LRMDA: variants seen among roughly 807,000 people sequenced by gnomAD.
LRMDA encodes leucine-rich melanocyte differentiation-associated protein.
Under a neutral mutation model 29.8 loss-of-function variants are expected in LRMDA, and 18 were observed. The observed-to-expected ratio is 0.60, with a 90% CI of 0.42 to 0.90. LRMDA has a LOEUF of 0.90. Among genes scored for constraint, LRMDA ranks in the 40% least tolerant of loss-of-function variants. The pLI, the probability that LRMDA is intolerant of heterozygous loss-of-function variation, is 0.00. For synonymous variants in LRMDA, 125 were observed against 109.4 expected, an observed-to-expected ratio of 1.14 and a Z score of -0.89; for missense variants, 273 against 273.9, an observed-to-expected ratio of 1.00 and a Z score of 0.02.
intron 2 of LRMDA, among the ~76,000 whole-genome samples, chr10:75,673,588 G>A (rs537558293): frequency 3.9e-4 from 60 of 152,272 alleles, no homozygotes; most frequent in Non-Finnish European, 7.5e-4. Context: ...ATAAACCTAT[G>A]TATTCTCTGA....
At chr10:76,144,704 C>T (rs929575724) in intron 5 of LRMDA, among the ~76,000 whole-genome samples, 7 of 152,060 alleles carry the variant, frequency 4.6e-5, no homozygotes, top group Non-Finnish European at 8.8e-5. Flanking sequence ...TGCCTGATTG[C>T]CCTGGCCAGA....
At chr10:76,337,821 A>G (rs974822267) in intron 6 of LRMDA, among the ~76,000 whole-genome samples, 4 of 152,042 alleles carry the variant, frequency 2.6e-5, no homozygotes, top group South Asian at 2.1e-4. Flanking sequence ...CAAAGAAATT[A>G]TTTGATTGGT....
chr10:75,675,930 C>T (rs1841954926), intron 2 of LRMDA, among the ~76,000 whole-genome samples: 1 of 152,182 alleles, frequency 6.6e-6, no homozygotes, highest in African/African-American at 2.4e-5. Context: ...GCCTGCAGTT[C>T]ACACTGGCCA....
At chr10:76,414,978 C>T (rs1177602134) in intron 6 of LRMDA, among the ~76,000 whole-genome samples, 1 of 152,276 alleles carries the variant, frequency 6.6e-6, no homozygotes, top group East Asian at 1.9e-4. Context: ...GCACTTGGTT[C>T]TTTGGCTGAG....
chr10:76,349,272 A>G (rs1841145872), intron 6 of LRMDA, among the ~76,000 whole-genome samples: 1 of 152,136 alleles, frequency 6.6e-6, no homozygotes, highest in African/African-American at 2.4e-5. Context: ...ACTCAACTCT[A>G]GCATTCTAGT....
At chr10:75,815,240 G>T (rs548689520) in intron 2 of LRMDA, among the ~76,000 whole-genome samples, 6 of 152,090 alleles carry the variant, frequency 3.9e-5, no homozygotes, top group African/African-American at 1.4e-4. Context: ...AAAACCAATG[G>T]GTGTGTTACA....
chr10:75,718,665 A>G (rs1842530654), intron 2 of LRMDA, among the ~76,000 whole-genome samples: 1 of 152,258 alleles, frequency 6.6e-6, no homozygotes. Flanking sequence ...ACAGAATTCA[A>G]CTTCAGCCTT....
At chr10:75,688,932 A>G (rs1438419922) in intron 2 of LRMDA, among the ~76,000 whole-genome samples, 1 of 152,202 alleles carries the variant, frequency 6.6e-6, no homozygotes, top group Non-Finnish European at 1.5e-5. Flanking sequence ...CAGGGTATAT[A>G]CATTTTTTAG....
intron 2 of LRMDA, among the ~76,000 whole-genome samples, chr10:75,813,278 C>A (rs1341781236): frequency 2.6e-5 from 4 of 152,182 alleles, no homozygotes; most frequent in Non-Finnish European, 5.9e-5. Flanking sequence ...GCTTCCATGA[C>A]TGGAGGAGGT....
At chr10:75,914,510 T>C (rs769551884) in intron 2 of LRMDA, among the ~76,000 whole-genome samples, 6 of 152,228 alleles carry the variant, frequency 3.9e-5, no homozygotes, top group Non-Finnish European at 7.3e-5. Context: ...TTTCCAGTTC[T>C]TTCTCCAAAG....
intron 5 of LRMDA, among the ~76,000 whole-genome samples, chr10:76,150,468 C>T (rs1850419399): frequency 6.6e-6 from 1 of 152,226 alleles, no homozygotes; most frequent in South Asian, 2.1e-4. Flanking sequence ...CCAGGAAACT[C>T]CCTCAGCAAT....
At chr10:76,194,070 G>T (rs535505072) in intron 5 of LRMDA, among the ~76,000 whole-genome samples, 2 of 152,304 alleles carry the variant, frequency 1.3e-5, no homozygotes, top group African/African-American at 4.8e-5. Flanking sequence ...AATTAGTGGT[G>T]TGCAGTATTG....
chr10:76,448,974 A>ATT (rs1842379448), intron 6 of LRMDA, among the ~76,000 whole-genome samples: 1 of 151,912 alleles, frequency 6.6e-6, no homozygotes, highest in Admixed American at 6.6e-5. Context: ...TATTGAGGAA[A>ATT]TCCCCAGATT....
chr10:76,552,132 T>C (rs1299413431), intron 6 of LRMDA, among the ~76,000 whole-genome samples: 1 of 152,248 alleles, frequency 6.6e-6, no homozygotes, highest in Non-Finnish European at 1.5e-5. Context: ...TTTACAAATA[T>C]AAATGTGTTG....
chr10:76,257,030 G>C (rs566155174), intron 5 of LRMDA, among the ~76,000 whole-genome samples: 1 of 152,220 alleles, frequency 6.6e-6, no homozygotes, highest in South Asian at 2.1e-4. Context: ...GCATTTACTT[G>C]TTTTTAATAT....
chr10:76,465,772 G>A (rs1322354516), intron 6 of LRMDA, among the ~76,000 whole-genome samples: 1 of 152,102 alleles, frequency 6.6e-6, no homozygotes, highest in African/African-American at 2.4e-5. Flanking sequence ...AGATGTTGGT[G>A]GGGTTGATTT....
chr10:75,900,062 C>T (rs1589246266), intron 2 of LRMDA, among the ~76,000 whole-genome samples: 2 of 152,234 alleles, frequency 1.3e-5, no homozygotes, highest in East Asian at 3.9e-4. Context: ...GTGTTGATTT[C>T]TATGAGATAT....
At chr10:76,302,655 T>C (rs1840496051) in intron 5 of LRMDA, among the ~76,000 whole-genome samples, 2 of 152,192 alleles carry the variant, frequency 1.3e-5, no homozygotes, top group Admixed American at 6.5e-5. Flanking sequence ...TTTCTTATTA[T>C]GGCAACCTAA....
intron 2 of LRMDA, among the ~76,000 whole-genome samples, chr10:75,758,467 G>A (rs1016655248): frequency 2.0e-5 from 3 of 152,186 alleles, no homozygotes; most frequent in Admixed American, 6.5e-5. Flanking sequence ...ACCCGTCAGC[G>A]TTGCTCAGTC....
Sources: allele counts gnomAD v4.1 joint callset (sites outside exome capture counted in the v4.1 genomes callset), GRCh38; gene constraint gnomAD v4.1.1; transcripts MANE v1.5; gene names NCBI Gene and HGNC (gene_info 2026-07-23, HGNC 2026-07-21).